The following PRDM1 variants were observed in gnomAD, a reference collection of about 807,000 sequenced individuals.
The protein encoded by PRDM1 is PR domain zinc finger protein 1.
A neutral mutation model predicts 62.8 loss-of-function variants in PRDM1; 13 were observed. The ratio of observed to expected loss-of-function variants is 0.21; its 90% CI spans 0.13 to 0.33. PRDM1 has a LOEUF of 0.33. Ranked by LOEUF, PRDM1 falls within the 10% of genes least tolerant of loss-of-function variation. PRDM1 has a pLI of 1.00. For synonymous variants in PRDM1, 396 were observed against 417.6 expected (o/e 0.95, Z 0.63); for missense variants, 895 against 1,058.8 (o/e 0.85, Z 2.15).
intron 1 of PRDM1, among the ~76,000 whole-genome samples, chr6:105,993,771 G>T (rs1772312844): frequency 6.6e-6 from 1 of 152,222 alleles, no homozygotes; most frequent in Non-Finnish European, 1.5e-5. Flanking sequence ...GTAAAAGAGT[G>T]GTGGTATGGG....
Position 106,107,818 on chromosome 6 carries a change from T to G in PRDM1, c.*332T>G, listed in dbSNP as rs1214838730. On this transcript the variant is annotated 3_prime_UTR_variant, in exon 7 of 7. Coordinates refer to ENST00000369096, the MANE Select transcript of PRDM1 (RefSeq NM_001198.4). The stretch of plus-strand genomic sequence containing the variant: ...TCCCATTACTAAGACTATTACCTAG[T>G]CATAATTATTTTTTCAATGATAATC... The G allele has an allele frequency of 4.3e-6, 1 of 231,590 alleles. No homozygotes were observed. The highest frequency in any genetic ancestry group is 2.2e-5 in the African/African-American group (1 of 45,190). 14.3% of individuals were successfully genotyped at this position (231,590 alleles called of 1,614,324 possible).
intron 1 of PRDM1, among the ~76,000 whole-genome samples, chr6:106,055,904 C>A: frequency 6.6e-6 from 1 of 152,024 alleles, no homozygotes; most frequent in East Asian, 1.9e-4. Flanking sequence ...ACTGAACTTG[C>A]AAATATGAAT....
At chr6:106,003,468 T>C (rs969651043) in intron 1 of PRDM1, among the ~76,000 whole-genome samples, 4 of 152,226 alleles carry the variant, frequency 2.6e-5, no homozygotes, top group African/African-American at 9.6e-5. Context: ...TTTCATTTCA[T>C]TGGCATACTG....
intron 1 of PRDM1, among the ~76,000 whole-genome samples, chr6:106,041,615 C>G (rs1032992559): frequency 6.6e-6 from 1 of 152,044 alleles, no homozygotes; most frequent in African/African-American, 2.4e-5. Context: ...ATTGTGTATC[C>G]TGATAGTGGT....
intron 1 of PRDM1, among the ~76,000 whole-genome samples, chr6:106,014,351 C>T (rs984999430): frequency 6.6e-6 from 1 of 151,814 alleles, no homozygotes; most frequent in East Asian, 1.9e-4. Flanking sequence ...TGAGCCACTG[C>T]TGCCTGCCTC....
At chr6:106,002,775 CTG>C (rs770656422) in intron 1 of PRDM1, among the ~76,000 whole-genome samples, 14 of 152,154 alleles carry the variant, frequency 9.2e-5, no homozygotes, top group Non-Finnish European at 1.6e-4. Flanking sequence ...CCTAGATACT[CTG>C]TGTTTACCTA....
intron 2 of PRDM1, among the ~76,000 whole-genome samples, chr6:106,089,945 G>GA (rs1773917561): frequency 6.6e-6 from 1 of 152,164 alleles, no homozygotes; most frequent in Admixed American, 6.5e-5. Context: ...GGTCATCTTT[G>GA]CCTTTTAATT....
chr6:106,011,053 C>T (rs780641445), intron 1 of PRDM1, among the ~76,000 whole-genome samples: 3 of 152,144 alleles, frequency 2.0e-5, no homozygotes, highest in Non-Finnish European at 4.4e-5. Context: ...GGCCCTGCAC[C>T]GTTAATCCCC....
intron 2 of PRDM1, 142 bp downstream of exon 2, chr6:106,088,591 C>T (rs1773877341): frequency 4.4e-6 from 4 of 916,156 alleles, no homozygotes; most frequent in Non-Finnish European, 4.9e-6. Context: ...TCAATTCTTG[C>T]ATTGCTTTCT....
rs2114637872 is a variant in PRDM1, at chr6:106,099,280, C to T, written c.412-20C>T. On this transcript the variant is annotated intron_variant, in intron 3 of 6. Coordinates refer to ENST00000369096, the MANE Select transcript of PRDM1 (RefSeq NM_001198.4). Reference sequence around the variant, plus strand: ...TTGGGTCTGACTTCCTTTTACATGCCTGTCTTCTCTTTTGGACAGATCTAT... The same window carrying T: ...TTGGGTCTGACTTCCTTTTACATGCTTGTCTTCTCTTTTGGACAGATCTAT... 6.2e-7 allele frequency: 1 copy of T among 1,613,172 alleles called. No individual in the cohort carries two copies. Among genetic ancestry groups the T allele is most frequent in the East Asian group, 2.2e-5 (1 of 44,878 alleles).
chr6:106,028,100 C>T (rs1405258500), intron 1 of PRDM1, among the ~76,000 whole-genome samples: 3 of 152,178 alleles, frequency 2.0e-5, no homozygotes, highest in Non-Finnish European at 2.9e-5. Flanking sequence ...TTTCATGATT[C>T]TCTTAAGGCT....
intron 1 of PRDM1, among the ~76,000 whole-genome samples, chr6:106,002,753 T>C (rs1772441406): frequency 1.3e-5 from 2 of 152,200 alleles, no homozygotes; most frequent in Non-Finnish European, 2.9e-5. Context: ...TTATAACTTA[T>C]CAAGGATTGG....
At position 106,091,908 on chromosome 6, in the gene PRDM1, T is replaced by A; in HGVS notation, c.291+3459T>A. 1.3e-5 allele frequency among the ~76,000 whole-genome samples: 2 copies of A among 152,214 alleles called. 1 individual carries two copies. Among genetic ancestry groups the A allele is most frequent in the East Asian group, 3.8e-4 (2 of 5,204 alleles). On this transcript the variant is annotated intron_variant, in intron 2 of 6. Coordinates refer to ENST00000369096, the MANE Select transcript of PRDM1 (RefSeq NM_001198.4). ...GGTCTTGGTCACTACTGAGTTCTAG[T>A]TCTCTCAAGACAAATATTCATATGG...
Position 106,107,696 on chromosome 6 carries a change from A to ATATATC in PRDM1, c.*213_*214insATCTAT, listed in dbSNP as rs1275544320. On this transcript the variant is annotated 3_prime_UTR_variant, in exon 7 of 7. Transcript: ENST00000369096. Reference sequence around the variant, plus strand: ...AAAGGCCATATATATATATATATATATATCTGTATACATATTATATATACT... The same window carrying ATATATC: ...AAAGGCCATATATATATATATATATATATATCTATCTGTATACATATTATATATACT... 1.3e-5 allele frequency: 3 copies of ATATATC among 224,452 alleles called. No individual in the cohort carries two copies. In the East Asian group the frequency reaches 2.1e-4, roughly 15 times the overall value. The allele number at this position is 224,452 out of a possible 1,614,324, so 13.9% of individuals were successfully genotyped here. A position where few individuals can be genotyped will look rare whatever the true frequency, so the allele number is the denominator to read the frequency against.
Position 106,108,542 on chromosome 6 carries a change from T to TTA in PRDM1, c.*1056_*1057insTA, listed in dbSNP as rs1554205794. On this transcript the variant is annotated 3_prime_UTR_variant, in exon 7 of 7. Transcript: ENST00000369096. ...GTTGCTTTTTTTTTTTTTTTTTTTT[T>TTA]AATGTCAAAATTGCACAAACATGGT... is the stretch of plus-strand genomic sequence containing the variant. 2.7e-5 allele frequency: 6 copies of TTA among 219,098 alleles called. No individual in the cohort carries two copies. Among genetic ancestry groups the TTA allele is most frequent in the African/African-American group, 1.4e-4 (6 of 43,194 alleles). The allele number at this position is 219,098 out of a possible 1,614,324, so 13.6% of individuals were successfully genotyped here. A position where few individuals can be genotyped will look rare whatever the true frequency, so the allele number is the denominator to read the frequency against.
At chr6:106,036,321 C>A (rs752650387) in intron 1 of PRDM1, among the ~76,000 whole-genome samples, 1 of 151,514 alleles carries the variant, frequency 6.6e-6, no homozygotes, top group African/African-American at 2.4e-5. Context: ...GCTAACCATG[C>A]ACTCTAACTT....
intron 1 of PRDM1, among the ~76,000 whole-genome samples, chr6:106,004,386 C>G (rs534015240): frequency 6.6e-6 from 1 of 152,096 alleles, no homozygotes; most frequent in African/African-American, 2.4e-5. Flanking sequence ...GGTTTAGAAA[C>G]CTTTTATTTG....
At chr6:105,993,125 C>T (rs575199927), upstream of PRDM1, among the ~76,000 whole-genome samples, 14 of 152,340 alleles carry the variant, frequency 9.2e-5, no homozygotes, top group African/African-American at 3.1e-4. Flanking sequence ...ACATGTCGAC[C>T]CTCCTTTTAC....
Position 106,099,226 on chromosome 6 carries a change from G to T in PRDM1, c.412-74G>T. The T allele has an allele frequency of 1.9e-6, 3 of 1,606,202 alleles. No individual in the cohort carries two copies. In the South Asian group the frequency reaches 3.3e-5, roughly 18 times the overall value. On this transcript the variant is annotated intron_variant, in intron 3 of 6. Coordinates refer to ENST00000369096, the MANE Select transcript of PRDM1 (RefSeq NM_001198.4). ...TCAGAAATCACACACGGTACCGGCT[G>T]TGTTTATTCTGAGAGGTGCTGGGGA... is the stretch of plus-strand genomic sequence containing the variant.
Sources: gnomAD v4.1 joint callset for allele counts (sites outside exome capture counted in the v4.1 genomes callset) on GRCh38, gnomAD v4.1.1 for gene constraint, MANE v1.5 for transcripts, NCBI Gene and HGNC (gene_info 2026-07-23, HGNC 2026-07-21) for gene names.